NPNT: variants seen among roughly 807,000 people sequenced by gnomAD.
NPNT encodes preosteoblast EGF-like repeat protein with MAM domain.
NPNT carries 45 observed loss-of-function variants against 68.6 expected under a neutral mutation model. The observed-to-expected ratio is 0.66, with a 90% CI of 0.52 to 0.84. The LOEUF (loss-of-function observed/expected upper bound fraction) is 0.84, where lower values mean the gene tolerates loss of function less well. Ranked by LOEUF, NPNT falls within the 40% of genes least tolerant of loss-of-function variation. The pLI is 0.00. For missense variants in NPNT, 672 were observed against 714.8 expected, an observed-to-expected ratio of 0.94 and a Z score of 0.68; for synonymous variants, 233 against 253.3, an observed-to-expected ratio of 0.92 and a Z score of 0.76.
intron 2 of NPNT, among the ~76,000 whole-genome samples, chr4:105,913,294 T>G (rs1213387555): frequency 6.6e-6 from 1 of 152,190 alleles, no homozygotes; most frequent in East Asian, 1.9e-4. Flanking sequence ...GTTCAGAAAT[T>G]TCTTTGTTCA....
chr4:105,932,373 G>A (rs1005062843), intron 3 of NPNT, among the ~76,000 whole-genome samples: 28 of 152,206 alleles, frequency 1.8e-4, no homozygotes, highest in African/African-American at 6.3e-4. Flanking sequence ...ACGATGGATT[G>A]TTCATTTATA....
chr4:105,948,643 T>A (rs4571330), intron 8 of NPNT, among the ~76,000 whole-genome samples: 137,622 of 152,188 alleles, frequency 0.9, 62,460 homozygotes, highest in East Asian at 1. Context: ...AATATTAAAC[T>A]TATTTTTAAA....
chr4:105,943,747 G>A (rs951592398), intron 8 of NPNT, among the ~76,000 whole-genome samples: 1 of 151,944 alleles, frequency 6.6e-6, no homozygotes, highest in Admixed American at 6.6e-5. Context: ...AGTTTGTTTT[G>A]TTCCTTTTCT....
chr4:105,896,071 C>T, intron 1 of NPNT: 1 of 299,736 alleles, frequency 3.3e-6, no homozygotes. Context: ...GCGAAACATC[C>T]CTTACCCGGG....
At chr4:105,939,454 A>T (rs193073971) in intron 5 of NPNT, among the ~76,000 whole-genome samples, 3 of 152,228 alleles carry the variant, frequency 2.0e-5, no homozygotes, top group Admixed American at 2.0e-4. Flanking sequence ...GGTGAGGGTG[A>T]TTTGTTGCAG....
At chr4:105,912,044 C>A in intron 2 of NPNT, 1 of 643,400 alleles carries the variant, frequency 1.6e-6, no homozygotes, top group Non-Finnish European at 2.8e-6. Context: ...TAAACATGTC[C>A]TAGATTTTTT....
chr4:105,928,807 A>C (rs1014485427), intron 3 of NPNT, among the ~76,000 whole-genome samples: 2 of 152,042 alleles, frequency 1.3e-5, no homozygotes, highest in Middle Eastern at 3.2e-3. Flanking sequence ...TATCCCTTAC[A>C]TACTTACTTG....
intron 2 of NPNT, among the ~76,000 whole-genome samples, chr4:105,905,900 A>G (rs1398420934): frequency 6.6e-6 from 1 of 152,182 alleles, no homozygotes; most frequent in East Asian, 1.9e-4. Flanking sequence ...CAGAGTAGAA[A>G]CCTTCTGTTC....
intron 8 of NPNT, among the ~76,000 whole-genome samples, chr4:105,949,235 A>G (rs949055893): frequency 4.6e-5 from 7 of 152,156 alleles, no homozygotes; most frequent in African/African-American, 1.7e-4. Flanking sequence ...AATATTGCAA[A>G]TCTCTAAGAG....
chr4:105,919,200 C>G (rs1422263843), intron 2 of NPNT, among the ~76,000 whole-genome samples: 1 of 152,184 alleles, frequency 6.6e-6, no homozygotes, highest in Admixed American at 6.5e-5. Context: ...GCAATAGGAA[C>G]AGTAAATACC....
chr4:105,956,541 T>A (rs1412261905), intron 8 of NPNT, among the ~76,000 whole-genome samples: 3 of 152,016 alleles, frequency 2.0e-5, no homozygotes, highest in Non-Finnish European at 4.4e-5. Flanking sequence ...CTTTTAAGAG[T>A]TGAGCCTATT....
intron 3 of NPNT, among the ~76,000 whole-genome samples, chr4:105,931,792 A>C (rs1651449719): frequency 1.3e-5 from 2 of 152,062 alleles, no homozygotes. Flanking sequence ...GTGAGCCAAG[A>C]TCGAGCGGCT....
At chr4:105,949,464 G>C (rs1730642189) in intron 8 of NPNT, among the ~76,000 whole-genome samples, 1 of 152,122 alleles carries the variant, frequency 6.6e-6, no homozygotes, top group African/African-American at 2.4e-5. Flanking sequence ...GGGTTGGGGA[G>C]GGCAGAAAGG....
chr4:105,939,262 T>C (rs552243283), intron 5 of NPNT, among the ~76,000 whole-genome samples: 2 of 152,324 alleles, frequency 1.3e-5, no homozygotes, highest in South Asian at 4.1e-4. Context: ...TCTATTAGCC[T>C]TAAGGTAAGA....
chr4:105,921,733 A>G (rs1407861928), intron 2 of NPNT, among the ~76,000 whole-genome samples: 3 of 151,990 alleles, frequency 2.0e-5, no homozygotes, highest in Non-Finnish European at 4.4e-5. Context: ...CCTCCATTCC[A>G]CCCAGGTCCT....
rs1183557187 is a variant in NPNT at position 105,971,203 on chromosome 4, A to G, written c.*2213A>G. ...GACAAGTTATCTTGGCTGCTGAGAA[A>G]GAGTGCCCTGCCCCACACCGGCAGA... On this transcript the variant is annotated 3_prime_UTR_variant, in exon 12 of 12. Transcript: ENST00000379987. 4.4e-6 allele frequency: 2 copies of G among 455,332 alleles called. No individual in the cohort carries two copies. Among genetic ancestry groups the G allele is most frequent in the African/African-American group, 2.0e-5 (1 of 50,008 alleles). The allele number at this position is 455,332 out of a possible 1,614,324, so 28.2% of individuals were successfully genotyped here. A position where few individuals can be genotyped will look rare whatever the true frequency, so the allele number is the denominator to read the frequency against.
chr4:105,925,539 A>G (rs1728616712), intron 2 of NPNT, among the ~76,000 whole-genome samples: 1 of 152,172 alleles, frequency 6.6e-6, no homozygotes, highest in South Asian at 2.1e-4. Flanking sequence ...CTTAAAGGAA[A>G]CAATGTTTGA....
At chr4:105,949,758 T>C (rs900425501) in intron 8 of NPNT, among the ~76,000 whole-genome samples, 1 of 152,156 alleles carries the variant, frequency 6.6e-6, no homozygotes, top group Non-Finnish European at 1.5e-5. Context: ...TTTTGGAAAA[T>C]ACCCATGTTA....
intron 8 of NPNT, among the ~76,000 whole-genome samples, chr4:105,947,941 T>G (rs887805184): frequency 3.3e-5 from 5 of 152,148 alleles, no homozygotes; most frequent in African/African-American, 1.2e-4. Flanking sequence ...TGTTTTTTCC[T>G]CAAATGGCCA....
Sources: allele counts gnomAD v4.1 joint callset (sites outside exome capture counted in the v4.1 genomes callset), GRCh38; gene constraint gnomAD v4.1.1; transcripts MANE v1.5; gene names NCBI Gene and HGNC (gene_info 2026-07-23, HGNC 2026-07-21).